The following STMP1 variants were observed in gnomAD, a reference collection of about 807,000 sequenced individuals.
STMP1 encodes mitolamban.
In STMP1, 7 loss-of-function variants were observed where a neutral mutation model predicts 7.0. The ratio of observed to expected loss-of-function variants is 1.01; its 90% CI spans 0.57 to 1.89. STMP1 has a LOEUF of 1.89. Among genes scored for constraint, STMP1 ranks in the 40% most tolerant of loss-of-function variants. The pLI is 0.00. For missense variants in STMP1, 45 were observed against 53.0 expected (o/e 0.85, Z 0.47); for synonymous variants, 19 against 18.4 (o/e 1.03, Z -0.08).
chr7:135,664,453 C>T (rs1795270762), intron 1 of STMP1, among the ~76,000 whole-genome samples: 1 of 150,426 alleles, frequency 6.6e-6, no homozygotes, highest in Admixed American at 6.7e-5. Flanking sequence ...TGGCCTCAAG[C>T]AGCCTTCCCA....
At chr7:135,662,656 C>T in intron 1 of STMP1, 62 bp downstream of exon 1, 10 of 1,523,612 alleles carry the variant, frequency 6.6e-6, no homozygotes, top group Non-Finnish European at 8.8e-6. Context: ...CCCCATTTCC[C>T]CCTTGAGGAT....
chr7:135,664,104 G>C (rs1248407889), intron 1 of STMP1, among the ~76,000 whole-genome samples: 1 of 152,184 alleles, frequency 6.6e-6, no homozygotes, highest in African/African-American at 2.4e-5. Flanking sequence ...AGTTTCTGTA[G>C]TGTCCTAACT....
chr7:135,671,265 G>T (rs1206643442), intron 1 of STMP1, among the ~76,000 whole-genome samples: 1 of 152,134 alleles, frequency 6.6e-6, no homozygotes, highest in Non-Finnish European at 1.5e-5. Flanking sequence ...TATACTTTTG[G>T]TGTTTCAAGC....
At chr7:135,663,253 G>A (rs73452478) in intron 1 of STMP1, among the ~76,000 whole-genome samples, 2,143 of 152,338 alleles carry the variant, frequency 0.014, 50 homozygotes, top group African/African-American at 0.048. Context: ...CTTGGTGAAG[G>A]TTCCAGGAGT....
At position 135,675,922 on chromosome 7, in the gene STMP1, C is replaced by CTTTTTT. The variant is rs1177437643; in HGVS notation, c.*1772_*1777dup. The stretch of plus-strand genomic sequence containing the variant: ...TAGCAGCGTGATCATGGGCAAGTGG[C>CTTTTTT]TTTTTTTTTTTTTTTTTTTTGAGAC... On this transcript the variant is annotated 3_prime_UTR_variant, in exon 3 of 3. Coordinates refer to ENST00000507606, the MANE Select transcript of STMP1 (RefSeq NM_001130929.2). 1.7e-5 allele frequency: 2 copies of CTTTTTT among 120,060 alleles called. No individual in the cohort carries two copies. The highest frequency in any genetic ancestry group is 3.5e-5 in the Non-Finnish European group (2 of 56,476). The allele number at this position is 120,060 out of a possible 1,614,324, so 7.4% of individuals were successfully genotyped here.
At chr7:135,669,437 A>G (rs745939986) in intron 1 of STMP1, among the ~76,000 whole-genome samples, 1 of 152,224 alleles carries the variant, frequency 6.6e-6, no homozygotes, top group African/African-American at 2.4e-5. Context: ...CTGTTGTTAT[A>G]TAACTATTTT....
intron 1 of STMP1, among the ~76,000 whole-genome samples, chr7:135,666,778 A>C (rs1795298966): frequency 6.6e-6 from 1 of 152,216 alleles, no homozygotes; most frequent in Non-Finnish European, 1.5e-5. Context: ...CAGTTGATGG[A>C]CATTCAAGAT....
At chr7:135,664,344 A>ATTTTTT (rs767469164) in intron 1 of STMP1, among the ~76,000 whole-genome samples, 31 of 114,974 alleles carry the variant, frequency 2.7e-4, no homozygotes, top group African/African-American at 1.0e-3. Context: ...CTGTGTGTTA[A>ATTTTTT]TTTTTTTTTT....
At chr7:135,662,668 G>T in intron 1 of STMP1, 74 bp downstream of exon 1, 1 of 1,482,280 alleles carries the variant, frequency 6.7e-7, no homozygotes, top group Non-Finnish European at 9.1e-7. Flanking sequence ...CTTGAGGATT[G>T]CCGACCCCGC....
rs117772489 is a variant in STMP1, at chr7:135,662,945, C to A, written c.15+351C>A. 3.0e-4 allele frequency among the ~76,000 whole-genome samples: 46 copies of A among 152,344 alleles called. 1 individual carries two copies. The South Asian group carries it at 9.1e-3, about 30-fold the overall frequency. Reference sequence around the variant, plus strand: ...GACTTTTCGTAGTCCGCCCCCCTTTCTTTCTGCGCTCCTGTTCCATTACAT... The same window carrying A: ...GACTTTTCGTAGTCCGCCCCCCTTTATTTCTGCGCTCCTGTTCCATTACAT... On this transcript the variant is annotated intron_variant, in intron 1 of 2. Coordinates refer to ENST00000507606, the MANE Select transcript of STMP1 (RefSeq NM_001130929.2).
At chr7:135,663,016 C>T (rs1205171281) in intron 1 of STMP1, among the ~76,000 whole-genome samples, 1 of 152,190 alleles carries the variant, frequency 6.6e-6, no homozygotes, top group African/African-American at 2.4e-5. Context: ...GTTGGCTTTT[C>T]TGAGGAGGTA....
chr7:135,669,527 G>A (rs1398553531), intron 1 of STMP1, among the ~76,000 whole-genome samples: 1 of 152,170 alleles, frequency 6.6e-6, no homozygotes, highest in African/African-American at 2.4e-5. Context: ...GGCTAAATAT[G>A]AGGTTGATTT....
chr7:135,665,174 A>G (rs1016072459), intron 1 of STMP1, among the ~76,000 whole-genome samples: 2 of 152,186 alleles, frequency 1.3e-5, no homozygotes, highest in African/African-American at 2.4e-5. Context: ...AGCTTCTCTC[A>G]GAAGGGTAGG....
intron 1 of STMP1, among the ~76,000 whole-genome samples, chr7:135,667,747 A>G (rs1001849773): frequency 8.7e-5 from 13 of 150,104 alleles, no homozygotes; most frequent in Non-Finnish European, 1.5e-4. Context: ...TAAGAAAACT[A>G]TTTGCCCAGC....
intron 1 of STMP1, among the ~76,000 whole-genome samples, chr7:135,667,698 AT>A (rs34877253): frequency 3.4e-4 from 49 of 146,008 alleles, no homozygotes; most frequent in African/African-American, 9.5e-4. Context: ...ATGAGGTCCA[AT>A]TTTTTTTTTT....
At chr7:135,668,646 C>G (rs2129493269) in intron 1 of STMP1, among the ~76,000 whole-genome samples, 1 of 152,342 alleles carries the variant, frequency 6.6e-6, no homozygotes, top group Non-Finnish European at 1.5e-5. Context: ...TCAGGCCATC[C>G]TCTCACCTTG....
Position 135,675,858 on chromosome 7 carries a change from G to A in STMP1, c.*1693G>A, listed in dbSNP as rs1480667563. The A allele has an allele frequency of 1.3e-5, 2 of 151,440 alleles. No homozygotes were observed. Among genetic ancestry groups the A allele is most frequent in the African/African-American group, 2.4e-5 (1 of 41,228 alleles). The allele number at this position is 151,440 out of a possible 1,614,324, so 9.4% of individuals were successfully genotyped here. ...TTATTCCTGTCAATGTTGTCTTTGT[G>A]TGTGACAGATTAGGATTAAATTATG... On this transcript the variant is annotated 3_prime_UTR_variant, in exon 3 of 3. Coordinates refer to ENST00000507606, the MANE Select transcript of STMP1 (RefSeq NM_001130929.2).
rs1034964428 is a variant in STMP1 at position 135,674,822 on chromosome 7, G to A, written c.*657G>A. On this transcript the variant is annotated 3_prime_UTR_variant, in exon 3 of 3. Transcript: ENST00000507606. ...GTAGAGTTCATAGTCTATTTAGTGTGCATGTTTTTCCTTAATGATGTATTT... is the reference window on the plus strand; with the variant it reads ...GTAGAGTTCATAGTCTATTTAGTGTACATGTTTTTCCTTAATGATGTATTT... The A allele has an allele frequency of 1.2e-4, 19 of 152,276 alleles. No individual in the cohort carries two copies. The highest frequency in any genetic ancestry group is 4.6e-4 in the African/African-American group (19 of 41,574). The allele number at this position is 152,276 out of a possible 1,614,324, so 9.4% of individuals were successfully genotyped here.
chr7:135,673,616 A>G (rs977000071), intron 2 of STMP1, among the ~76,000 whole-genome samples: 5 of 152,306 alleles, frequency 3.3e-5, no homozygotes, highest in African/African-American at 9.6e-5. Flanking sequence ...AACTTCTGAT[A>G]TCTTTCACAT....
Sources: allele counts gnomAD v4.1 joint callset (sites outside exome capture counted in the v4.1 genomes callset), GRCh38; gene constraint gnomAD v4.1.1; transcripts MANE v1.5; gene names NCBI Gene and HGNC (gene_info 2026-07-23, HGNC 2026-07-21).